ACOT8: variants seen among roughly 807,000 people sequenced by gnomAD.
The protein encoded by ACOT8 is acyl-coenzyme A thioesterase 8.
A neutral mutation model predicts 38.4 loss-of-function variants in ACOT8; 31 were observed. That is an observed-to-expected ratio of 0.81 (90% confidence interval 0.61 to 1.09). ACOT8 has a LOEUF of 1.09. Among genes scored for constraint, ACOT8 ranks in the 50% least tolerant of loss-of-function variants. The pLI is 0.00. For missense variants in ACOT8, 373 were observed against 421.8 expected (o/e 0.88, Z 1.01); for synonymous variants, 158 against 170.3 (o/e 0.93, Z 0.56).
Position 45,855,304 on chromosome 20 carries a change from G to A in ACOT8, c.129-12C>T. The A allele has an allele frequency of 6.2e-7, 1 of 1,613,502 alleles. No individual in the cohort carries two copies. Among genetic ancestry groups the A allele is most frequent in the South Asian group, 1.1e-5 (1 of 91,022 alleles). On this transcript the variant is annotated splice_polypyrimidine_tract_variant and intron_variant, in intron 1 of 5. Transcript: ENST00000217455. ...AGTAATGCCTTCCTCTGTAGGGAGA[G>A]GGGGAAAGAGGGAAAGACTTGGGAA...
intron 2 of ACOT8, among the ~76,000 whole-genome samples, chr20:45,850,203 G>A (rs1984973243): frequency 6.6e-6 from 1 of 152,100 alleles, no homozygotes; most frequent in African/African-American, 2.4e-5. Flanking sequence ...AGCCGAAATT[G>A]CACCACTGCA....
intron 3 of ACOT8, among the ~76,000 whole-genome samples, chr20:45,846,865 T>C (rs970717334): frequency 6.6e-6 from 1 of 152,154 alleles, no homozygotes; most frequent in Non-Finnish European, 1.5e-5. Context: ...GGTGGTCTAA[T>C]GGTTAGGGGA....
intron 2 of ACOT8, chr20:45,849,186 A>G (rs1984897158): frequency 6.6e-6 from 1 of 152,644 alleles, no homozygotes; most frequent in Non-Finnish European, 1.5e-5. Flanking sequence ...ATTATTCTAG[A>G]TCAGGGAGCA....
intron 5 of ACOT8, chr20:45,842,802 G>A (rs1032011817): frequency 1.0e-6 from 1 of 990,706 alleles, no homozygotes; most frequent in Non-Finnish European, 1.2e-6. Context: ...TATCAATCTT[G>A]GATTGTGATG....
At chr20:45,852,826 T>C (rs879526195) in intron 2 of ACOT8, among the ~76,000 whole-genome samples, 2 of 152,158 alleles carry the variant, frequency 1.3e-5, no homozygotes, top group African/African-American at 2.4e-5. Flanking sequence ...TGGAGTACAG[T>C]AGCATGATCT....
At chr20:45,842,046 T>TG in intron 5 of ACOT8, 90 bp from the exon 6 acceptor site, 1 of 1,551,294 alleles carries the variant, frequency 6.4e-7, no homozygotes, top group Non-Finnish European at 8.7e-7. Context: ...CTCACTAAGT[T>TG]GCCAGGCTGG....
chr20:45,843,780 G>A, intron 4 of ACOT8, 59 bp from the exon 5 acceptor site: 1 of 1,586,500 alleles, frequency 6.3e-7, no homozygotes, highest in Middle Eastern at 1.8e-4. Flanking sequence ...GACCTGCACG[G>A]AGGTAGGGGG....
chr20:45,843,494 C>A lies in ACOT8; in HGVS notation c.841+33G>T. 1.9e-6 allele frequency: 3 copies of A among 1,601,148 alleles called. No individual in the cohort carries two copies. In the South Asian group the frequency reaches 3.4e-5, roughly 18 times the overall value. ...AAAGCAGGCTCCTGCCACTCAAGGT[C>A]AGTGCCCTTGTCCCACACGGCCCCA... On this transcript the variant is annotated intron_variant, in intron 5 of 5. Coordinates refer to ENST00000217455, the MANE Select transcript of ACOT8 (RefSeq NM_005469.4).
chr20:45,853,640 A>G (rs1388088014), intron 2 of ACOT8: 1 of 218,508 alleles, frequency 4.6e-6, no homozygotes, highest in Non-Finnish European at 9.3e-6. Context: ...AAGGATTACA[A>G]TATCAAAAGG....
rs371027281 is a variant in ACOT8, at chr20:45,844,367, T to C, written c.542A>G (p.Gln181Arg). The C allele has an allele frequency of 7.4e-6, 12 of 1,614,048 alleles. No homozygotes were observed. The African/African-American group carries it at 1.6e-4, about 22-fold the overall frequency. Residue 181 changes from glutamine to arginine, a missense_variant, in exon 4 of 6, where the codon CAG becomes CGG. Gln to Arg is a conservative substitution (Grantham distance 43, BLOSUM62 1). Coordinates refer to ENST00000217455, the MANE Select transcript of ACOT8 (RefSeq NM_005469.4). ...TGGCTTGATCTCAATGGGGACCTCC[T>C]GAGCAGCAATTCGGTTGAGCGCCAA... ...YPLALNRIAA[Q>R]EVPIEIKPVN...
Position 45,857,322 on chromosome 20 carries a change from C to T in ACOT8, c.-7G>A. 1 of 1,592,334 alleles carries T rather than the reference C, an allele frequency of 6.3e-7. No homozygotes were observed. Among genetic ancestry groups the T allele is most frequent in the Non-Finnish European group, 8.5e-7 (1 of 1,172,046 alleles). ...GGGCCTGCGGGGACGACATCTAGTTCAATGCTGCAGGCCCTGCACACCCGC... is the reference window on the plus strand; with the variant it reads ...GGGCCTGCGGGGACGACATCTAGTTTAATGCTGCAGGCCCTGCACACCCGC... On this transcript the variant is annotated 5_prime_UTR_variant, in exon 1 of 6. Transcript: ENST00000217455.
chr20:45,842,173 A>G lies in ACOT8; in HGVS notation c.842-217T>C, dbSNP rs1201350678. On this transcript the variant is annotated intron_variant, in intron 5 of 5. Transcript: ENST00000217455. The stretch of plus-strand genomic sequence containing the variant: ...GGACTTCTTGCAAAGGGTCTGGCCC[A>G]GGGCAGGGCTGCCCCACACAAGGGT... The G allele has an allele frequency of 1.7e-5, 25 of 1,508,020 alleles. No homozygotes were observed. The Admixed American group carries it at 4.7e-4, about 28-fold the overall frequency. The allele number at this position is 1,508,020 out of a possible 1,614,324, so 93.4% of individuals were successfully genotyped here.
At chr20:45,856,528 AAAAAATTAGCTGGGCTG>A (rs1985449400) in intron 1 of ACOT8, among the ~76,000 whole-genome samples, 2 of 152,106 alleles carry the variant, frequency 1.3e-5, no homozygotes, top group Admixed American at 1.3e-4. Context: ...AAAAGAAGTT[AAAAAATTAGCTGGGCTG>A]TGGCGCGCCT....
In ACOT8 at chr20:45,845,849, T is replaced by C. The variant is rs1340209599; in HGVS notation, c.489-1429A>G. ...TTGGTTTTTTTTTGTTTTTTTTTTT[T>C]TAAGACGGAATCTCGCTCTGTTGCC... On this transcript the variant is annotated intron_variant, in intron 3 of 5. Transcript: ENST00000217455. 5.3e-5 allele frequency among the ~76,000 whole-genome samples: 8 copies of C among 152,042 alleles called. No individual in the cohort carries two copies. In the South Asian group the frequency reaches 1.7e-3, roughly 32 times the overall value.
At chr20:45,847,120 G>A in intron 3 of ACOT8, among the ~76,000 whole-genome samples, 1 of 152,144 alleles carries the variant, frequency 6.6e-6, no homozygotes, top group Non-Finnish European at 1.5e-5. Context: ...TGAGGCACGG[G>A]AATTGCTTGA....
At chr20:45,842,811 T>C in intron 5 of ACOT8, 1 of 990,936 alleles carries the variant, frequency 1.0e-6, no homozygotes, top group Non-Finnish European at 1.2e-6. Context: ...TGGATTGTGA[T>C]GCTATTGGTA....
chr20:45,855,235 C>G lies in ACOT8; in HGVS notation c.186G>C (p.Gln62His). 1 of 1,614,184 alleles carries G rather than the reference C, an allele frequency of 6.2e-7. No individual in the cohort carries two copies. Among genetic ancestry groups the G allele is most frequent in the Non-Finnish European group, 8.5e-7 (1 of 1,180,028 alleles). Reference protein sequence around the residue: ...KRLFGGQIVGQALVAAAKSVS... With the variant: ...KRLFGGQIVGHALVAAAKSVS... ...CAGACTTGGCTGCAGCCACCAGGGCCTGGCCCACGATCTGACCACCAAACA... is the reference window on the plus strand; with the variant it reads ...CAGACTTGGCTGCAGCCACCAGGGCGTGGCCCACGATCTGACCACCAAACA... The change falls in exon 2 of 6, where the codon CAG becomes CAC. Residue 62 changes from glutamine to histidine, a missense_variant. By Grantham distance (24) the Gln-to-His change is conservative. Coordinates refer to ENST00000217455, the MANE Select transcript of ACOT8 (RefSeq NM_005469.4).
intron 1 of ACOT8, 61 bp downstream of exon 1, chr20:45,857,127 G>A: frequency 5.8e-6 from 9 of 1,561,584 alleles, no homozygotes; most frequent in East Asian, 2.3e-5. Flanking sequence ...CCCGGGCGGC[G>A]GCAGTCAAGA....
Position 45,857,270 on chromosome 20 carries a change from G to C in ACOT8, c.46C>G (p.Arg16Gly). The C allele has an allele frequency of 1.9e-6, 3 of 1,612,676 alleles. No homozygotes were observed. The highest frequency in any genetic ancestry group is 1.7e-6 in the Non-Finnish European group (2 of 1,179,644). The change falls in exon 1 of 6, where the codon CGC becomes GGC. Residue 16 changes from arginine to glycine, a missense_variant. Physicochemically the swap from Arg to Gly is moderately radical, Grantham distance 125. Transcript: ENST00000217455. ...APEDGQGCGD[R>G]GDPPGDLRSV... Reference sequence around the variant, plus strand: ...CGGAGGTCCCCAGGGGGATCGCCGCGGTCGCCACAGCCCTGCCCATCTTCT... The same window carrying C: ...CGGAGGTCCCCAGGGGGATCGCCGCCGTCGCCACAGCCCTGCCCATCTTCT...
Sources: allele counts gnomAD v4.1 joint callset (sites outside exome capture counted in the v4.1 genomes callset), GRCh38; gene constraint gnomAD v4.1.1; transcripts MANE v1.5; gene names NCBI Gene and HGNC (gene_info 2026-07-23, HGNC 2026-07-21).